The following SMC5 variants were observed in gnomAD, a reference collection of about 807,000 sequenced individuals.
The protein encoded by SMC5 is structural maintenance of chromosomes protein 5.
A neutral mutation model predicts 148.3 loss-of-function variants in SMC5; 88 were observed. The ratio of observed to expected loss-of-function variants is 0.59; its 90% CI spans 0.50 to 0.71. The LOEUF (loss-of-function observed/expected upper bound fraction) is 0.71. Ranked by LOEUF, SMC5 falls within the 30% of genes least tolerant of loss-of-function variation. The pLI is 0.00. For synonymous variants in SMC5, 421 were observed against 432.8 expected (o/e 0.97, Z 0.34); for missense variants, 1,142 against 1,298.9 (o/e 0.88, Z 1.86).
chr9:70,330,632 T>A (rs980926603), intron 17 of SMC5, among the ~76,000 whole-genome samples: 1 of 149,388 alleles, frequency 6.7e-6, no homozygotes, highest in African/African-American at 2.4e-5. Context: ...AACCTCCGCC[T>A]TCTGGGTTCA....
intron 19 of SMC5, 26 bp from the exon 20 acceptor site, chr9:70,347,040 A>G (rs778396995): frequency 4.5e-6 from 7 of 1,559,496 alleles, no homozygotes; most frequent in Admixed American, 1.7e-5. Context: ...CATTGTATCT[A>G]TAATGACGGG....
At position 70,286,235 on chromosome 9, in the gene SMC5, A is replaced by G; in HGVS notation, c.1017A>G (p.Lys339=). 1.9e-6 allele frequency: 3 copies of G among 1,607,804 alleles called. No individual in the cohort carries two copies. Among genetic ancestry groups the G allele is most frequent in the Non-Finnish European group, 2.5e-6 (3 of 1,176,698 alleles). The change falls in exon 8 of 25, where the codon AAA becomes AAG. Residue 339 remains lysine, a synonymous_variant. Coordinates refer to ENST00000361138, the MANE Select transcript of SMC5 (RefSeq NM_015110.4). ...TDIKEASQKC[K]QKQDVIERKD... ...TTAAGGAGGCATCTCAAAAATGCAA[A>G]CAGAAGCAAGATGTTATAGAAAGGA...
chr9:70,290,475 A>G (rs544542862), intron 8 of SMC5, among the ~76,000 whole-genome samples: 1 of 152,234 alleles, frequency 6.6e-6, no homozygotes, highest in Non-Finnish European at 1.5e-5. Flanking sequence ...GACTAAATAT[A>G]TATGTTTATA....
chr9:70,267,968 A>G lies in SMC5; in HGVS notation c.373A>G (p.Ile125Val), dbSNP rs747033233. 1.2e-6 allele frequency: 2 copies of G among 1,612,746 alleles called. No individual in the cohort carries two copies. The highest frequency in any genetic ancestry group is 2.2e-5 in the East Asian group (1 of 44,828). ...KRGCSRGMVEIELFRASGNLV... is the reference protein window; with the variant it reads ...KRGCSRGMVEVELFRASGNLV... ...AGGATGTTCTAGAGGCATGGTTGAA[A>G]TTGAATTGTAAGTGTTAAAAGTGCT... The change falls in exon 3 of 25, where the codon ATT becomes GTT. Residue 125 changes from isoleucine to valine, a missense_variant. Ile to Val is a conservative substitution (Grantham distance 29). This residue lies in a region of SMC5 where 297 missense variants were observed against 302.6 expected (regional missense o/e 0.98). Transcript: ENST00000361138.
intron 8 of SMC5, among the ~76,000 whole-genome samples, chr9:70,289,679 T>G (rs2035007828): frequency 6.6e-6 from 1 of 152,010 alleles, no homozygotes; most frequent in East Asian, 1.9e-4. Context: ...TATTTTTTAT[T>G]CTATAGGTTG....
Position 70,259,219 on chromosome 9 carries a change from T to C in SMC5, c.141T>C (p.Pro47=), listed in dbSNP as rs771773737. 15 of 1,605,116 alleles carry C rather than the reference T, an allele frequency of 9.3e-6. No individual in the cohort carries two copies. The highest frequency in any genetic ancestry group is 1.6e-4 in the Middle Eastern group (1 of 6,062). The change falls in exon 1 of 25, where the codon CCT becomes CCC. Residue 47 remains proline (P), a synonymous_variant. Coordinates refer to ENST00000361138, the MANE Select transcript of SMC5 (RefSeq NM_015110.4). ...TGCCGCTGTTGCAGTCGTCCGGGCC[T>C]TTCGTGGAAGGCTCTATCGTCCGCA... ...PQLPLLQSSG[P]FVEGSIVRIS...
At chr9:70,286,358 G>T (rs570213769) in intron 8 of SMC5, 87 bp downstream of exon 8, 2 of 808,978 alleles carry the variant, frequency 2.5e-6, no homozygotes, top group East Asian at 2.6e-5. Flanking sequence ...GATTCTTGTT[G>T]GGGAATGGCC....
chr9:70,300,819 G>A (rs1225141502), intron 10 of SMC5, among the ~76,000 whole-genome samples: 1 of 152,034 alleles, frequency 6.6e-6, no homozygotes, highest in Non-Finnish European at 1.5e-5. Context: ...AAGGATGAAA[G>A]AGTAAAAAAC....
At position 70,318,497 on chromosome 9, in the gene SMC5, G is replaced by A; in HGVS notation, c.1807-17G>A. On this transcript the variant is annotated splice_polypyrimidine_tract_variant and intron_variant, in intron 13 of 24. Coordinates refer to ENST00000361138, the MANE Select transcript of SMC5 (RefSeq NM_015110.4). ...AATTTATATTAGATGTGCACTAATA[G>A]TTGTTTTACGTTATAGGTAATACAA... is the stretch of plus-strand genomic sequence containing the variant. The A allele has an allele frequency of 2.0e-6, 3 of 1,535,566 alleles. No individual in the cohort carries two copies. Among genetic ancestry groups the A allele is most frequent in the South Asian group, 1.3e-5 (1 of 78,622 alleles).
At chr9:70,265,400 A>C (rs533913000) in intron 2 of SMC5, among the ~76,000 whole-genome samples, 1 of 152,314 alleles carries the variant, frequency 6.6e-6, no homozygotes, top group African/African-American at 2.4e-5. Context: ...CGGAGGTTAT[A>C]GTGAGCCAAG....
At chr9:70,328,108 A>G (rs1342901209) in intron 17 of SMC5, among the ~76,000 whole-genome samples, 13 of 152,092 alleles carry the variant, frequency 8.5e-5, no homozygotes. Context: ...CTCCCTCAAC[A>G]TTGGGAATTA....
In SMC5 at chr9:70,352,193, C is replaced by G; in HGVS notation, c.3168C>G (p.Leu1056=). ...TSQYFFITPK[L]LQNLPYSEKM... is the part of the protein sequence containing the mutation. ...ACAATTTGTTTTAATACTTACAGCT[C>G]CTGCAAAATCTTCCTTATTCTGAAA... The change falls in exon 25 of 25, where the codon CTC becomes CTG. Residue 1056 remains leucine (L), a splice_region_variant and synonymous_variant. Transcript: ENST00000361138. The G allele has an allele frequency of 6.2e-7, 1 of 1,607,212 alleles. No individual in the cohort carries two copies. Among genetic ancestry groups the G allele is most frequent in the Non-Finnish European group, 8.5e-7 (1 of 1,178,044 alleles).
chr9:70,346,711 G>A (rs928990633), intron 19 of SMC5, 62 bp downstream of exon 19: 2 of 1,572,338 alleles, frequency 1.3e-6, no homozygotes, highest in African/African-American at 1.4e-5. Context: ...CTCCTCCCTA[G>A]CCATTTGCTT....
chr9:70,320,684 A>G (rs1667467937), intron 15 of SMC5, among the ~76,000 whole-genome samples: 1 of 152,102 alleles, frequency 6.6e-6, no homozygotes, highest in African/African-American at 2.4e-5. Context: ...CCTGCAACCA[A>G]TGTCTGATGG....
intron 10 of SMC5, among the ~76,000 whole-genome samples, chr9:70,302,214 A>C (rs531270811): frequency 1.3e-5 from 2 of 152,274 alleles, no homozygotes; most frequent in African/African-American, 4.8e-5. Context: ...TCTACTGAAA[A>C]AATAGGTTGG....
rs746657474 is a variant in SMC5 at position 70,318,775 on chromosome 9, A to G, written c.1981-19A>G. On this transcript the variant is annotated intron_variant, in intron 14 of 24. Coordinates refer to ENST00000361138, the MANE Select transcript of SMC5 (RefSeq NM_015110.4). ...GAACAGTTTTTTAAATATGTTAACA[A>G]TTTTTAAATATTTTATAGGAAATTC... 5.2e-6 allele frequency: 8 copies of G among 1,547,910 alleles called. No individual in the cohort carries two copies. Among genetic ancestry groups the G allele is most frequent in the African/African-American group, 1.4e-5 (1 of 70,888 alleles).
intron 17 of SMC5, among the ~76,000 whole-genome samples, chr9:70,343,331 G>A (rs75109557): frequency 1.0e-3 from 153 of 152,020 alleles, no homozygotes; most frequent in African/African-American, 3.5e-3. Context: ...TGACCAATGC[G>A]GATTATAATA....
chr9:70,305,184 A>G, intron 10 of SMC5, 63 bp from the exon 11 acceptor site: 1 of 712,296 alleles, frequency 1.4e-6, no homozygotes, highest in Non-Finnish European at 2.4e-6. Context: ...ATTTTAATAT[A>G]AACATGTTTT....
intron 13 of SMC5, among the ~76,000 whole-genome samples, chr9:70,317,730 ATATAT>A (rs2035839781): frequency 1.3e-5 from 2 of 152,346 alleles, no homozygotes; most frequent in Admixed American, 1.3e-4. Flanking sequence ...GGTATTTATA[ATATAT>A]TTTAGTTTAT....
Sources: allele counts gnomAD v4.1 joint callset (sites outside exome capture counted in the v4.1 genomes callset), GRCh38; gene constraint gnomAD v4.1.1; regional missense constraint gnomAD v4.1.1; transcripts MANE v1.5; gene names NCBI Gene and HGNC (gene_info 2026-07-23, HGNC 2026-07-21).